Variants in IMPG2 observed in about 807,000 individuals in gnomAD.
IMPG2 encodes interphotoreceptor matrix proteoglycan 2.
In IMPG2, 91 loss-of-function variants were observed where a neutral mutation model predicts 129.2. The observed-to-expected ratio is 0.70, with a 90% CI of 0.59 to 0.84. The LOEUF (loss-of-function observed/expected upper bound fraction) is 0.84, where lower values mean the gene tolerates loss of function less well. Ranked by LOEUF, IMPG2 falls within the 40% of genes least tolerant of loss-of-function variation. IMPG2 has a pLI of 0.00. For missense variants in IMPG2, 1,430 were observed against 1,461.7 expected (o/e 0.98, Z 0.35); for synonymous variants, 510 against 517.7 (o/e 0.99, Z 0.20).
Position 101,222,563 on chromosome 3 carries a change from T to A in IMPG2, c.*4406A>T, listed in dbSNP as rs1706176157. 1 of 152,244 alleles carries A rather than the reference T, an allele frequency of 6.6e-6. No homozygotes were observed. Among genetic ancestry groups the A allele is most frequent in the African/African-American group, 2.4e-5 (1 of 41,470 alleles). 9.4% of individuals were successfully genotyped at this position (152,244 alleles called of 1,614,324 possible). A position where few individuals can be genotyped will look rare whatever the true frequency, so the allele number is the denominator to read the frequency against. On this transcript the variant is annotated 3_prime_UTR_variant, in exon 19 of 19. Coordinates refer to ENST00000193391, the MANE Select transcript of IMPG2 (RefSeq NM_016247.4). ...TAGACAGGTTCTTGAAAGTGATGTT[T>A]ATTACTAATGAAAATAGTACAGTTG... is the stretch of plus-strand genomic sequence containing the variant.
At chr3:101,261,924 C>A (rs2107238988) in intron 9 of IMPG2, among the ~76,000 whole-genome samples, 1 of 152,224 alleles carries the variant, frequency 6.6e-6, no homozygotes, top group East Asian at 1.9e-4. Context: ...ACCACTGGAT[C>A]ATCATCTTTC....
At chr3:101,243,411 A>T (rs1706431407) in intron 13 of IMPG2, 118 bp downstream of exon 13, 1 of 866,724 alleles carries the variant, frequency 1.2e-6, no homozygotes, top group Admixed American at 2.0e-5. Flanking sequence ...AATGATAGGA[A>T]GTGAATGTTC....
At chr3:101,253,361 CT>C (rs1159303858) in intron 11 of IMPG2, among the ~76,000 whole-genome samples, 2 of 152,098 alleles carry the variant, frequency 1.3e-5, no homozygotes, top group East Asian at 3.9e-4. Flanking sequence ...ATCATGTTGG[CT>C]ATAAAATCTA....
At chr3:101,242,098 GGAGA>G (rs143913320) in intron 14 of IMPG2, among the ~76,000 whole-genome samples, 1 of 150,522 alleles carries the variant, frequency 6.6e-6, no homozygotes, top group Non-Finnish European at 1.5e-5. Context: ...TTACATTTAT[GGAGA>G]GAGAGAGAGA....
chr3:101,244,464 T>C lies in IMPG2; in HGVS notation c.1867A>G (p.Lys623Glu). The C allele has an allele frequency of 6.2e-7, 1 of 1,614,150 alleles. No individual in the cohort carries two copies. The highest frequency in any genetic ancestry group is 8.5e-7 in the Non-Finnish European group (1 of 1,179,998). Reference sequence around the variant, plus strand: ...GGCTTGGACAGTGGTTCAGCGCTCTTCTCTGATGAAGTCTCACTCCATGGC... The same window carrying C: ...GGCTTGGACAGTGGTTCAGCGCTCTCCTCTGATGAAGTCTCACTCCATGGC... ...TWPWSETSSE[K>E]SAEPLSKPWL... Residue 623 changes from lysine to glutamate, a missense_variant, in exon 13 of 19, where the codon AAG (lysine) becomes GAG (glutamate). Coordinates refer to ENST00000193391, the MANE Select transcript of IMPG2 (RefSeq NM_016247.4).
intron 2 of IMPG2, among the ~76,000 whole-genome samples, chr3:101,315,939 A>G (rs140196392): frequency 1.3e-5 from 2 of 152,234 alleles, no homozygotes; most frequent in African/African-American, 2.4e-5. Context: ...AAATAGACAA[A>G]TAAGTGGAAC....
rs1706438422 is a variant in IMPG2, at chr3:101,243,847, C to T, written c.2484G>A (p.Glu828=). Residue 828 remains glutamate (E), a synonymous_variant, in exon 13 of 19, where the codon GAG becomes GAA. Coordinates refer to ENST00000193391, the MANE Select transcript of IMPG2 (RefSeq NM_016247.4). ...CCTGTACACCCATAATTACTTCATC[C>T]TCTAGCAGGGTGGAGATTGTGGTTG... ...LPPTTISTLL[E]DEVIMGVQDI... The T allele has an allele frequency of 1.2e-6, 2 of 1,614,068 alleles. No homozygotes were observed. Among genetic ancestry groups the T allele is most frequent in the African/African-American group, 1.3e-5 (1 of 74,932 alleles).
chr3:101,256,145 AAAAGAAAGAAAG>A (rs57933330), intron 10 of IMPG2, among the ~76,000 whole-genome samples: 3,788 of 77,530 alleles, frequency 0.049, 95 homozygotes, highest in African/African-American at 0.059. Context: ...AGAAAGAAAG[AAAAGAAAGAAAG>A]AAAGAAAGAA....
At chr3:101,307,326 A>T (rs1241490839) in intron 2 of IMPG2, among the ~76,000 whole-genome samples, 4 of 152,234 alleles carry the variant, frequency 2.6e-5, no homozygotes, top group African/African-American at 2.4e-5. Flanking sequence ...ATTGTTTCTT[A>T]TATAACAAAA....
In IMPG2 at chr3:101,226,157, C is replaced by A. The variant is rs1163677324; in HGVS notation, c.*812G>T. ...ATATTCTCAGCACTGGGGTCTTGAC[C>A]CGACACTCACTCCCTCCCTGCCCAT... On this transcript the variant is annotated 3_prime_UTR_variant, in exon 19 of 19. Transcript: ENST00000193391. 1 of 150,098 alleles carries A rather than the reference C, an allele frequency of 6.7e-6. No individual in the cohort carries two copies. Among genetic ancestry groups the A allele is most frequent in the Non-Finnish European group, 1.5e-5 (1 of 67,410 alleles). 9.3% of individuals were successfully genotyped at this position (150,098 alleles called of 1,614,324 possible).
intron 14 of IMPG2, among the ~76,000 whole-genome samples, chr3:101,241,862 T>C (rs1482907267): frequency 1.3e-5 from 2 of 151,898 alleles, no homozygotes; most frequent in African/African-American, 4.8e-5. Flanking sequence ...ACTCCATCTC[T>C]ACTAAAAATA....
intron 2 of IMPG2, among the ~76,000 whole-genome samples, chr3:101,306,334 G>A (rs1056641194): frequency 1.3e-5 from 2 of 152,174 alleles, no homozygotes; most frequent in African/African-American, 2.4e-5. Context: ...AAATGTATGA[G>A]TATTGAAAGT....
At chr3:101,286,661 T>C (rs945616262) in intron 4 of IMPG2, among the ~76,000 whole-genome samples, 4 of 152,238 alleles carry the variant, frequency 2.6e-5, no homozygotes, top group Non-Finnish European at 5.9e-5. Context: ...TAGCTTCCGA[T>C]GGCATGTGCT....
At chr3:101,294,991 G>A (rs928950586) in intron 3 of IMPG2, among the ~76,000 whole-genome samples, 2 of 152,156 alleles carry the variant, frequency 1.3e-5, no homozygotes, top group African/African-American at 4.8e-5. Context: ...ACCTTTGTCA[G>A]ATGGGTAGAT....
At chr3:101,301,113 T>C (rs1034111023) in intron 3 of IMPG2, among the ~76,000 whole-genome samples, 8 of 152,190 alleles carry the variant, frequency 5.3e-5, no homozygotes, top group African/African-American at 1.7e-4. Flanking sequence ...GGTGGAGTTG[T>C]TGAAACACAA....
chr3:101,318,974 G>T (rs1349846841), intron 2 of IMPG2, among the ~76,000 whole-genome samples: 1 of 152,054 alleles, frequency 6.6e-6, no homozygotes, highest in Admixed American at 6.6e-5. Context: ...GTACCAACTA[G>T]AGAGCAACCT....
intron 7 of IMPG2, among the ~76,000 whole-genome samples, chr3:101,273,244 A>T (rs1432821555): frequency 2.6e-5 from 4 of 152,238 alleles, no homozygotes; most frequent in Non-Finnish European, 5.9e-5. Context: ...TCCCTTAAGA[A>T]AAACAATACA....
intron 9 of IMPG2, among the ~76,000 whole-genome samples, chr3:101,261,207 G>A (rs190961301): frequency 2.6e-5 from 4 of 151,958 alleles, no homozygotes; most frequent in African/African-American, 7.2e-5. Flanking sequence ...TTTCTTTTTC[G>A]GATTTTTGCA....
chr3:101,311,244 A>C (rs1707261491), intron 2 of IMPG2, among the ~76,000 whole-genome samples: 1 of 152,152 alleles, frequency 6.6e-6, no homozygotes, highest in South Asian at 2.1e-4. Context: ...AAGGAAATAA[A>C]AGGCAGCCAA....
Sources: allele counts gnomAD v4.1 joint callset (sites outside exome capture counted in the v4.1 genomes callset), GRCh38; gene constraint gnomAD v4.1.1; transcripts MANE v1.5; gene names NCBI Gene and HGNC (gene_info 2026-07-23, HGNC 2026-07-21).